Variants in AGPAT4 observed in about 807,000 individuals in gnomAD.
AGPAT4 encodes the protein 1-acylglycerol-3-phosphate O-acyltransferase 4.
In AGPAT4, 15 loss-of-function variants were observed where a neutral mutation model predicts 48.0. The ratio of observed to expected loss-of-function variants is 0.31; its 90% CI spans 0.21 to 0.48. The LOEUF (loss-of-function observed/expected upper bound fraction) is 0.48. AGPAT4 is among the 20% of genes least tolerant of loss of function. AGPAT4 has a pLI of 0.99. For synonymous variants in AGPAT4, 178 were observed against 198.7 expected, an observed-to-expected ratio of 0.90 and a Z score of 0.88; for missense variants, 314 against 482.5, an observed-to-expected ratio of 0.65 and a Z score of 3.27.
In AGPAT4 at chr6:161,138,148, C is replaced by G. The variant is rs7754525; in HGVS notation, c.1042+1274G>C. ...CTTGGCCAGCCTCAGCATGGCGGGG[C>G]ATGGGGGTGCCCCTGGACCTGCCTT... On this transcript the variant is annotated intron_variant, in intron 8 of 8. Transcript: ENST00000320285. The surrounding 1 kb of genome is among the most constrained non-coding windows in gnomAD (Gnocchi z 4.8). 0.29 allele frequency among the ~76,000 whole-genome samples: 43,494 copies of G among 152,184 alleles called. 8,027 individuals carry two copies. The highest frequency in any genetic ancestry group is 0.53 in the African/African-American group (22,102 of 41,508).
chr6:161,136,604 A>G lies in AGPAT4; in HGVS notation c.1073T>C (p.Val358Ala), dbSNP rs1562307205. The change falls in exon 9 of 9, where the codon GTG becomes GCG. Residue 358 changes from valine (V) to alanine (A), a missense_variant. Coordinates refer to ENST00000320285, the MANE Select transcript of AGPAT4 (RefSeq NM_020133.3). ...GGCAGAGCCCTTGTCAATTTCCGTC[A>G]CACCAATCATCCATCGAACTCCCAC... ...ASVGVRWMIG[V>A]TEIDKGSAYG... 1.9e-6 allele frequency: 3 copies of G among 1,614,220 alleles called. No homozygotes were observed. The highest frequency in any genetic ancestry group is 1.7e-6 in the Non-Finnish European group (2 of 1,180,036).
rs1194447043 is a variant in AGPAT4 at position 161,254,765 on chromosome 6, C to A, written c.-90+19173G>T. On this transcript the variant is annotated intron_variant, in intron 1 of 8. Coordinates refer to ENST00000320285, the MANE Select transcript of AGPAT4 (RefSeq NM_020133.3). This position sits in a 1 kb window ranked among gnomAD's most constrained non-coding sequence, Gnocchi z 5.9. ...TAAGCTTTAACATTCATTTAATTCT[C>A]AAAGATCTGTAAATACCGACTCAAT... Among the ~76,000 whole-genome samples, 1 of 152,190 alleles carries A rather than the reference C, an allele frequency of 6.6e-6. No homozygotes were observed. Among genetic ancestry groups the A allele is most frequent in the East Asian group, 1.9e-4 (1 of 5,192 alleles).
rs963707678 is a variant in AGPAT4 at position 161,233,150 on chromosome 6, C to T, written c.-89-848G>A. ...ACACACACACACACACACACAGATA[C>T]ACACATCCTTAAGTGTTCTCAAATC... On this transcript the variant is annotated intron_variant, in intron 1 of 8. Transcript: ENST00000320285. This position sits in a 1 kb window ranked among gnomAD's most constrained non-coding sequence, Gnocchi z 5.4. 3.3e-5 allele frequency among the ~76,000 whole-genome samples: 5 copies of T among 151,292 alleles called. No homozygotes were observed. The highest frequency in any genetic ancestry group is 1.2e-4 in the African/African-American group (5 of 41,074).
At chr6:161,194,965 T>C (rs1235003689) in intron 2 of AGPAT4, among the ~76,000 whole-genome samples, 1 of 152,194 alleles carries the variant, frequency 6.6e-6, no homozygotes, top group Non-Finnish European at 1.5e-5. Flanking sequence ...GATCCTTCCT[T>C]AGATAAATTC....
At chr6:161,170,471 GCGCA>G (rs1428565321) in intron 2 of AGPAT4, among the ~76,000 whole-genome samples, 2,936 of 113,644 alleles carry the variant, frequency 0.026, 28 homozygotes, top group African/African-American at 0.047. Context: ...ACGTGCGCGC[GCGCA>G]CACACACACA....
At position 161,232,903 on chromosome 6, in the gene AGPAT4, A is replaced by G. The variant is rs1782161939; in HGVS notation, c.-89-601T>C. Among the ~76,000 whole-genome samples, 1 of 152,144 alleles carries G rather than the reference A, an allele frequency of 6.6e-6. No individual in the cohort carries two copies. Among genetic ancestry groups the G allele is most frequent in the African/African-American group, 2.4e-5 (1 of 41,438 alleles). The stretch of plus-strand genomic sequence containing the variant: ...CTAGGGAAGCATTTACTTGAAAACC[A>G]CCACTGTTTCTCCAGCACATGAGAG... On this transcript the variant is annotated intron_variant, in intron 1 of 8. Transcript: ENST00000320285. This position sits in a 1 kb window ranked among gnomAD's most constrained non-coding sequence, Gnocchi z 6.8.
Position 161,166,546 on chromosome 6 carries a change from G to T in AGPAT4, c.179-129C>A. The T allele has an allele frequency of 1.9e-6, 2 of 1,071,934 alleles. No individual in the cohort carries two copies. The highest frequency in any genetic ancestry group is 2.6e-6 in the Non-Finnish European group (2 of 758,730). The allele number at this position is 1,071,934 out of a possible 1,614,324, so 66.4% of individuals were successfully genotyped here. ...TCTACGGGCAAAGTTCTGGATCGTTGCAGCACAGACCTTGGTCCTTGAAAG... is the reference window on the plus strand; with the variant it reads ...TCTACGGGCAAAGTTCTGGATCGTTTCAGCACAGACCTTGGTCCTTGAAAG... On this transcript the variant is annotated intron_variant, in intron 2 of 8. Coordinates refer to ENST00000320285, the MANE Select transcript of AGPAT4 (RefSeq NM_020133.3). This position sits in a 1 kb window ranked among gnomAD's most constrained non-coding sequence, Gnocchi z 6.7.
At position 161,136,493 on chromosome 6, in the gene AGPAT4, G is replaced by C; in HGVS notation, c.*47C>G. The C allele has an allele frequency of 6.4e-7, 1 of 1,558,900 alleles. No individual in the cohort carries two copies. The highest frequency in any genetic ancestry group is 1.4e-5 in the African/African-American group (1 of 74,004). On this transcript the variant is annotated 3_prime_UTR_variant, in exon 9 of 9. Coordinates refer to ENST00000320285, the MANE Select transcript of AGPAT4 (RefSeq NM_020133.3). ...GTCCCACTAAGGAGGATATGCAGAG[G>C]CCACCAGTTCCCCAAGGTTCCCTTC... is the stretch of plus-strand genomic sequence containing the variant.
In AGPAT4 at chr6:161,135,968, C is replaced by T. The variant is rs1779049590; in HGVS notation, c.*572G>A. The T allele has an allele frequency of 6.5e-6, 1 of 155,002 alleles. No individual in the cohort carries two copies. The highest frequency in any genetic ancestry group is 2.0e-4 in the South Asian group (1 of 4,990). The allele number at this position is 155,002 out of a possible 1,614,324, so 9.6% of individuals were successfully genotyped here. On this transcript the variant is annotated 3_prime_UTR_variant, in exon 9 of 9. Coordinates refer to ENST00000320285, the MANE Select transcript of AGPAT4 (RefSeq NM_020133.3). ...TGGCCTGCCCACCCCTCTCAGCTGC[C>T]CACACCTCCGCGGCAGCTGCCTCCC...
intron 1 of AGPAT4, among the ~76,000 whole-genome samples, chr6:161,258,624 A>G (rs1783006976): frequency 1.3e-5 from 2 of 151,966 alleles, no homozygotes; most frequent in African/African-American, 4.8e-5. Flanking sequence ...CACCACCTAT[A>G]TATGTTGGGA....
Position 161,249,774 on chromosome 6 carries a change from A to G in AGPAT4, c.-89-17472T>C, listed in dbSNP as rs1782755781. ...CGCAATTCCTCAAAGACCTAAAAAC[A>G]GAAATATCATTCGACCCAGCAATCC... On this transcript the variant is annotated intron_variant, in intron 1 of 8. Transcript: ENST00000320285. The surrounding 1 kb of genome is among the most constrained non-coding windows in gnomAD (Gnocchi z 6.2). 6.6e-6 allele frequency among the ~76,000 whole-genome samples: 1 copy of G among 152,248 alleles called. No individual in the cohort carries two copies. The highest frequency in any genetic ancestry group is 2.4e-5 in the African/African-American group (1 of 41,464).
At chr6:161,247,771 T>C (rs1025183140) in intron 1 of AGPAT4, among the ~76,000 whole-genome samples, 3 of 151,760 alleles carry the variant, frequency 2.0e-5, no homozygotes, top group African/African-American at 7.3e-5. Context: ...TCACTTGAGG[T>C]CAGGAGTTCG....
intron 1 of AGPAT4, among the ~76,000 whole-genome samples, chr6:161,258,077 C>T (rs1054155455): frequency 2.0e-5 from 3 of 152,182 alleles, no homozygotes; most frequent in Admixed American, 6.5e-5. Context: ...AAAACTCCTG[C>T]GTGCCAGAAT....
At chr6:161,157,399 G>A (rs142464767) in intron 3 of AGPAT4, among the ~76,000 whole-genome samples, 17 of 152,258 alleles carry the variant, frequency 1.1e-4, no homozygotes, top group East Asian at 1.9e-4. Flanking sequence ...TGCAACCTCC[G>A]CCTCCCAGGT....
intron 1 of AGPAT4, among the ~76,000 whole-genome samples, chr6:161,247,772 CAGGAGTTCG>C (rs1237014249): frequency 1.3e-5 from 2 of 151,978 alleles, no homozygotes; most frequent in Non-Finnish European, 2.9e-5. Flanking sequence ...CACTTGAGGT[CAGGAGTTCG>C]AGACCAGCCT....
At chr6:161,205,896 T>C (rs923253305) in intron 2 of AGPAT4, among the ~76,000 whole-genome samples, 1 of 152,130 alleles carries the variant, frequency 6.6e-6, no homozygotes, top group Non-Finnish European at 1.5e-5. Flanking sequence ...GGCACACTTC[T>C]TCCTATTCCA....
At position 161,133,013 on chromosome 6, in the gene AGPAT4, T is replaced by TATC. The variant is rs1778952209; in HGVS notation, c.*3524_*3526dup. 6.6e-6 allele frequency: 1 copy of TATC among 152,372 alleles called. No homozygotes were observed. Among genetic ancestry groups the TATC allele is most frequent in the East Asian group, 1.9e-4 (1 of 5,194 alleles). The allele number at this position is 152,372 out of a possible 1,614,324, so 9.4% of individuals were successfully genotyped here. The stretch of plus-strand genomic sequence containing the variant: ...ACCAAAGTATTTGTTTTTCTCACTT[T>TATC]ATCTTTAACCTAGTATGTGGCAAGT... On this transcript the variant is annotated 3_prime_UTR_variant, in exon 9 of 9. Coordinates refer to ENST00000320285, the MANE Select transcript of AGPAT4 (RefSeq NM_020133.3).
At chr6:161,252,960 A>T (rs888806713) in intron 1 of AGPAT4, among the ~76,000 whole-genome samples, 2 of 152,100 alleles carry the variant, frequency 1.3e-5, no homozygotes, top group Non-Finnish European at 2.9e-5. Context: ...TCACGTCTGT[A>T]ATCCCAGCAC....
At chr6:161,186,379 A>G (rs1247916871) in intron 2 of AGPAT4, among the ~76,000 whole-genome samples, 4 of 152,040 alleles carry the variant, frequency 2.6e-5, no homozygotes, top group African/African-American at 4.8e-5. Context: ...TTGCAGCCAC[A>G]TGGTATGTTT....
Sources: gnomAD v4.1 joint callset for allele counts (sites outside exome capture counted in the v4.1 genomes callset) on GRCh38, gnomAD v4.1.1 for gene constraint, Gnocchi (gnomAD v3.1) non-coding constraint, MANE v1.5 for transcripts, NCBI Gene and HGNC (gene_info 2026-07-23, HGNC 2026-07-21) for gene names.